Variants in CADM2 observed in about 807,000 individuals in gnomAD.
CADM2 encodes the protein immunoglobulin superfamily member 4D.
In CADM2, 12 loss-of-function variants were observed where a neutral mutation model predicts 49.8. The ratio of observed to expected loss-of-function variants is 0.24; its 90% CI spans 0.15 to 0.39. The LOEUF is 0.39. Among genes scored for constraint, CADM2 ranks in the 10% least tolerant of loss-of-function variants. The probability of loss-of-function intolerance (pLI) is 1.00; values close to 1 mark genes in which losing one functional copy is unlikely to be tolerated. For missense variants in CADM2, 378 were observed against 492.3 expected (o/e 0.77, Z 2.20); for synonymous variants, 214 against 175.4 (o/e 1.22, Z -1.74).
intron 1 of CADM2, among the ~76,000 whole-genome samples, chr3:85,526,222 T>C (rs1048608295): frequency 2.0e-5 from 3 of 152,118 alleles, no homozygotes; most frequent in Non-Finnish European, 4.4e-5. Context: ...TTACAACAAG[T>C]GTTTTGAAAG....
chr3:85,107,681 TTC>T (rs1335231939), intron 1 of CADM2, among the ~76,000 whole-genome samples: 1 of 148,232 alleles, frequency 6.7e-6, no homozygotes, highest in African/African-American at 2.5e-5. Flanking sequence ...CCTTCCTTCT[TTC>T]TCTTTCTTTC....
chr3:85,924,855 G>A lies in CADM2; in HGVS notation c.701-10912G>A, dbSNP rs956217066. Among the ~76,000 whole-genome samples, 3 of 152,070 alleles carry A rather than the reference G, an allele frequency of 2.0e-5. No individual in the cohort carries two copies. The South Asian group carries it at 6.2e-4, about 32-fold the overall frequency. On this transcript the variant is annotated intron_variant, in intron 6 of 9. Coordinates refer to ENST00000383699, the MANE Select transcript of CADM2 (RefSeq NM_001167675.2). ...GATTTCTTATTGCTTCTAACATAAAGTCCAAACTCTACAGCTTGACATTCA... is the reference window on the plus strand; with the variant it reads ...GATTTCTTATTGCTTCTAACATAAAATCCAAACTCTACAGCTTGACATTCA...
rs2069810775 is a variant in CADM2 at position 85,768,702 on chromosome 3, A to G, written c.89-33345A>G. On this transcript the variant is annotated intron_variant, in intron 2 of 9. Coordinates refer to ENST00000383699, the MANE Select transcript of CADM2 (RefSeq NM_001167675.2). ...ATATATACACATATATAGTATAAAT[A>G]TACACATATACACACATATAGTATA... is the stretch of plus-strand genomic sequence containing the variant. Among the ~76,000 whole-genome samples the G allele has an allele frequency of 2.7e-5, 4 of 145,786 alleles. No individual in the cohort carries two copies. The South Asian group carries it at 8.4e-4, about 31-fold the overall frequency.
chr3:86,034,666 T>G (rs750252477), intron 8 of CADM2, among the ~76,000 whole-genome samples: 7 of 152,122 alleles, frequency 4.6e-5, no homozygotes, highest in Non-Finnish European at 1.0e-4. Flanking sequence ...CTTTTAATTC[T>G]CTAGCTTTCA....
rs148930409 is a variant in CADM2 at position 85,584,568 on chromosome 3, C to G, written c.62-141954C>G. Among the ~76,000 whole-genome samples the G allele has an allele frequency of 6.1e-4, 93 of 152,094 alleles. No homozygotes were observed. The East Asian group carries it at 0.017, about 28-fold the overall frequency. On this transcript the variant is annotated intron_variant, in intron 1 of 9. Coordinates refer to ENST00000383699, the MANE Select transcript of CADM2 (RefSeq NM_001167675.2). ...AGATGTGACATTTAAGTTGCTACACCACCTTACTGTTTCTAATGTTAGTAG... is the reference window on the plus strand; with the variant it reads ...AGATGTGACATTTAAGTTGCTACACGACCTTACTGTTTCTAATGTTAGTAG...
rs1178405950 is a variant in CADM2, at chr3:85,537,490, TTGTTTGTG to T, written c.62-189028_62-189021del. ...GTCAAGTACAAGTACGCATGCATGG[TTGTTTGTG>T]TGTGTGTGTGTGTGTGTGCGTGTGC... On this transcript the variant is annotated intron_variant, in intron 1 of 9. Transcript: ENST00000383699. Among the ~76,000 whole-genome samples, 13 of 134,060 alleles carry T rather than the reference TTGTTTGTG, an allele frequency of 9.7e-5. 1 individual carries two copies. The highest frequency in any genetic ancestry group is 2.2e-4 in the Admixed American group (3 of 13,794). 87.9% of individuals were successfully genotyped at this position (134,060 alleles called of 152,430 possible).
intron 1 of CADM2, among the ~76,000 whole-genome samples, chr3:85,248,320 G>C (rs1340814665): frequency 6.6e-6 from 1 of 151,888 alleles, no homozygotes. Context: ...GGTCGCCCAA[G>C]CTGGAGTGAA....
At chr3:85,644,413 A>G (rs72913169) in intron 1 of CADM2, among the ~76,000 whole-genome samples, 4,429 of 152,202 alleles carry the variant, frequency 0.029, 201 homozygotes, top group African/African-American at 0.1. Flanking sequence ...GCTTCAGCAT[A>G]TGAATAGTGG....
rs61755734 is a variant in CADM2, at chr3:85,961,589, A to T, written c.912A>T (p.Arg304=). The change falls in exon 8 of 10, where the codon CGA becomes CGT. Residue 304 remains arginine (R), a synonymous_variant. Coordinates refer to ENST00000383699, the MANE Select transcript of CADM2 (RefSeq NM_001167675.2). ...FLNKTDNGTY[R]CEATNTIGQS... ...ACAAAACGGATAATGGTACATATCG[A>T]TGTGAAGCCACAAACACCATTGGCC... 12,350 of 1,607,088 alleles carry T rather than the reference A, an allele frequency of 7.7e-3. 803 individuals are homozygous for T. The African/African-American group carries it at 0.14, about 19-fold the overall frequency.
At chr3:85,110,012 G>T (rs1405649924) in intron 1 of CADM2, among the ~76,000 whole-genome samples, 1 of 151,892 alleles carries the variant, frequency 6.6e-6, no homozygotes, top group Non-Finnish European at 1.5e-5. Flanking sequence ...AAAGTGAATG[G>T]CTATCTACAA....
chr3:85,123,522 G>C (rs2038932297), intron 1 of CADM2, among the ~76,000 whole-genome samples: 1 of 152,066 alleles, frequency 6.6e-6, no homozygotes, highest in African/African-American at 2.4e-5. Flanking sequence ...TGATGTGATT[G>C]TTTTCTGAAG....
chr3:85,275,653 C>A (rs1376303413), intron 1 of CADM2, among the ~76,000 whole-genome samples: 1 of 151,150 alleles, frequency 6.6e-6, no homozygotes, highest in African/African-American at 2.4e-5. Flanking sequence ...CAAATTGTTA[C>A]AATTGCATAT....
chr3:85,394,877 G>A (rs1246308883), intron 1 of CADM2, among the ~76,000 whole-genome samples: 1 of 152,116 alleles, frequency 6.6e-6, no homozygotes, highest in African/African-American at 2.4e-5. Context: ...TTATAAAAAT[G>A]TGTCTCTCAT....
intron 7 of CADM2, among the ~76,000 whole-genome samples, chr3:85,943,404 C>A (rs1577726544): frequency 6.9e-6 from 1 of 145,656 alleles, no homozygotes. Context: ...ACATGAAGTC[C>A]TTGCCCATGC....
At chr3:85,960,328 A>G (rs1418826683) in intron 7 of CADM2, among the ~76,000 whole-genome samples, 1 of 151,950 alleles carries the variant, frequency 6.6e-6, no homozygotes, top group Non-Finnish European at 1.5e-5. Context: ...ACAATAACAT[A>G]AAATAAATTC....
chr3:85,850,575 G>A (rs2075068602), intron 3 of CADM2, among the ~76,000 whole-genome samples: 2 of 151,794 alleles, frequency 1.3e-5, no homozygotes, highest in African/African-American at 2.4e-5. Flanking sequence ...TGATCCGCCC[G>A]CCTCGGCCTC....
intron 1 of CADM2, among the ~76,000 whole-genome samples, chr3:85,137,581 G>T (rs987355103): frequency 6.6e-6 from 1 of 151,942 alleles, no homozygotes; most frequent in African/African-American, 2.4e-5. Context: ...CTCATATTTA[G>T]ATTATATCAG....
intron 1 of CADM2, among the ~76,000 whole-genome samples, chr3:85,129,427 AC>A (rs2039152038): frequency 6.6e-6 from 1 of 152,164 alleles, no homozygotes; most frequent in Admixed American, 6.5e-5. Flanking sequence ...AATGATGGCC[AC>A]TATCACTTTA....
chr3:85,809,332 T>C (rs1266175008), intron 3 of CADM2, among the ~76,000 whole-genome samples: 2 of 152,160 alleles, frequency 1.3e-5, no homozygotes, highest in Admixed American at 6.5e-5. Context: ...GGCTCACACC[T>C]GTAATCCCAG....
Sources: gnomAD v4.1 joint callset for allele counts (sites outside exome capture counted in the v4.1 genomes callset) on GRCh38, gnomAD v4.1.1 for gene constraint, MANE v1.5 for transcripts, NCBI Gene and HGNC (gene_info 2026-07-23, HGNC 2026-07-21) for gene names.